The following THSD7B variants were observed in gnomAD, a reference collection of about 807,000 sequenced individuals.
THSD7B encodes thrombospondin type 1 domain containing 7B, also known as thrombospondin type-1 domain-containing protein 7B.
In THSD7B, 138 loss-of-function variants were observed where a neutral mutation model predicts 213.6. The ratio of observed to expected loss-of-function variants is 0.65; its 90% confidence interval spans 0.56 to 0.74. The LOEUF (loss-of-function observed/expected upper bound fraction) is 0.74, where lower values mean the gene tolerates loss of function less well. Among genes scored for constraint, THSD7B ranks in the 30% least tolerant of loss-of-function variants. The probability of loss-of-function intolerance (pLI) is 0.00; values close to 1 mark genes in which losing one functional copy is unlikely to be tolerated. For missense variants in THSD7B, 1,931 were observed against 1,991.5 expected, an observed-to-expected ratio of 0.97 and a Z score of 0.58; for synonymous variants, 742 against 687.0, an observed-to-expected ratio of 1.08 and a Z score of -1.25.
At chr2:136,779,512 G>A (rs1681691214) in intron 1 of THSD7B, among the ~76,000 whole-genome samples, 1 of 151,968 alleles carries the variant, frequency 6.6e-6, no homozygotes, top group Admixed American at 6.6e-5. Context: ...ATTATGCTGA[G>A]CACATTACTG....
At chr2:137,318,514 A>G (rs1035479799) in intron 12 of THSD7B, among the ~76,000 whole-genome samples, 1 of 152,064 alleles carries the variant, frequency 6.6e-6, no homozygotes, top group Non-Finnish European at 1.5e-5. Context: ...CAGAGGTAAT[A>G]CCCTCACTCC....
chr2:137,072,643 G>A (rs564796413), intron 3 of THSD7B, among the ~76,000 whole-genome samples: 1 of 152,240 alleles, frequency 6.6e-6, no homozygotes, highest in South Asian at 2.1e-4. Flanking sequence ...ACACTGTGTT[G>A]AATAGGAGTG....
At chr2:137,075,052 C>G (rs1189048921) in intron 3 of THSD7B, among the ~76,000 whole-genome samples, 1 of 152,158 alleles carries the variant, frequency 6.6e-6, no homozygotes, top group Admixed American at 6.5e-5. Context: ...GTGAATCTGA[C>G]AATTATGTGT....
In THSD7B at chr2:137,546,694, G is replaced by A. The variant is rs143623956; in HGVS notation, c.3139-16527G>A. Among the ~76,000 whole-genome samples the A allele has an allele frequency of 3.2e-3, 467 of 148,210 alleles. 3 individuals are homozygous for A. Among genetic ancestry groups the A allele is most frequent in the African/African-American group, 0.011 (441 of 40,294 alleles). ...GAGAAAGGCTGTTGTTTGTACATAC[G>A]CGTGTATTTATGTTTTAACCTATTA... On this transcript the variant is annotated intron_variant, in intron 15 of 27. Coordinates refer to ENST00000409968, the MANE Select transcript of THSD7B (RefSeq NM_001316349.2).
intron 15 of THSD7B, among the ~76,000 whole-genome samples, chr2:137,550,380 T>C (rs1573701426): frequency 2.0e-5 from 3 of 152,250 alleles, no homozygotes; most frequent in Admixed American, 2.0e-4. Flanking sequence ...GTATTCAATT[T>C]GAAGTCATAA....
rs759458322 is a variant in THSD7B at position 137,034,486 on chromosome 2, A to G, written c.140-21934A>G. Reference sequence around the variant, plus strand: ...GAACATGCAGGTTTTTTACATAGGTATACATGGGCCGAAGTGGTTTGCTGC... The same window carrying G: ...GAACATGCAGGTTTTTTACATAGGTGTACATGGGCCGAAGTGGTTTGCTGC... On this transcript the variant is annotated intron_variant, in intron 2 of 27. Transcript: ENST00000409968. Among the ~76,000 whole-genome samples, 11 of 152,156 alleles carry G rather than the reference A, an allele frequency of 7.2e-5. 1 individual carries two copies. Among genetic ancestry groups the G allele is most frequent in the African/African-American group, 2.4e-5 (1 of 41,436 alleles).
At chr2:137,346,519 G>A (rs1382341389) in intron 12 of THSD7B, among the ~76,000 whole-genome samples, 1 of 150,392 alleles carries the variant, frequency 6.6e-6, no homozygotes, top group Non-Finnish European at 1.5e-5. Flanking sequence ...TCCCCAACAT[G>A]CCCTTGATTG....
chr2:136,962,404 T>TGTTATC (rs1685235941), intron 2 of THSD7B, among the ~76,000 whole-genome samples: 1 of 4,578 alleles, frequency 2.2e-4, no homozygotes. Flanking sequence ...ATCTGTTATC[T>TGTTATC]TTTTTTTTTT....
intron 5 of THSD7B, among the ~76,000 whole-genome samples, chr2:137,135,050 A>T (rs1302416905): frequency 6.6e-6 from 1 of 152,138 alleles, no homozygotes; most frequent in African/African-American, 2.4e-5. Context: ...CAGCCTTGCG[A>T]GTCTGTTGTA....
chr2:136,979,238 T>A (rs1450540967), intron 2 of THSD7B, among the ~76,000 whole-genome samples: 3 of 152,058 alleles, frequency 2.0e-5, no homozygotes, highest in African/African-American at 7.3e-5. Flanking sequence ...TTTTTTTATT[T>A]CAACCTTGGA....
At chr2:137,306,325 T>C (rs549998116) in intron 12 of THSD7B, among the ~76,000 whole-genome samples, 1 of 152,264 alleles carries the variant, frequency 6.6e-6, no homozygotes, top group African/African-American at 2.4e-5. Context: ...CATGACTATA[T>C]ACAAGTAATG....
intron 2 of THSD7B, among the ~76,000 whole-genome samples, chr2:137,016,464 C>T (rs1225422494): frequency 6.6e-6 from 1 of 152,150 alleles, no homozygotes; most frequent in Non-Finnish European, 1.5e-5. Flanking sequence ...TTCTTACTTC[C>T]TTAGTAAGTT....
At chr2:137,033,221 C>A (rs760786535) in intron 2 of THSD7B, among the ~76,000 whole-genome samples, 5 of 152,154 alleles carry the variant, frequency 3.3e-5, no homozygotes, top group African/African-American at 7.2e-5. Context: ...TGTTCTAGGC[C>A]GAACTTGCTC....
intron 2 of THSD7B, among the ~76,000 whole-genome samples, chr2:136,940,354 G>A (rs886104166): frequency 6.6e-6 from 1 of 151,948 alleles, no homozygotes; most frequent in Non-Finnish European, 1.5e-5. Context: ...ATTCTTTTTT[G>A]TGGCTGAATA....
rs189682653 is a variant in THSD7B, at chr2:137,582,365, G to T, written c.3423+9809G>T. Among the ~76,000 whole-genome samples, 3 of 152,132 alleles carry T rather than the reference G, an allele frequency of 2.0e-5. No homozygotes were observed. The East Asian group carries it at 5.8e-4, about 29-fold the overall frequency. ...TGACTTTTTTATTATTATATTTTAA[G>T]TTCTAGGGTGCATGTGCACAACGTG... On this transcript the variant is annotated intron_variant, in intron 17 of 27. Coordinates refer to ENST00000409968, the MANE Select transcript of THSD7B (RefSeq NM_001316349.2).
At chr2:137,030,600 C>T (rs959613176) in intron 2 of THSD7B, among the ~76,000 whole-genome samples, 1 of 152,130 alleles carries the variant, frequency 6.6e-6, no homozygotes, top group African/African-American at 2.4e-5. Context: ...GGCTGTAGTT[C>T]TTACAAAATG....
At chr2:137,547,651 G>A (rs924191023) in intron 15 of THSD7B, among the ~76,000 whole-genome samples, 17 of 151,940 alleles carry the variant, frequency 1.1e-4, no homozygotes, top group Admixed American at 6.6e-4. Flanking sequence ...CATCAGGAAC[G>A]GAGTTTGCAG....
chr2:136,868,139 C>T (rs1245755877), intron 1 of THSD7B, among the ~76,000 whole-genome samples: 2 of 151,898 alleles, frequency 1.3e-5, no homozygotes, highest in Non-Finnish European at 2.9e-5. Flanking sequence ...CACACACACA[C>T]ACATCCTTGA....
At chr2:137,302,435 T>C (rs1683629410) in intron 12 of THSD7B, among the ~76,000 whole-genome samples, 1 of 152,070 alleles carries the variant, frequency 6.6e-6, no homozygotes, top group Non-Finnish European at 1.5e-5. Flanking sequence ...GTAAGGTGGG[T>C]TGGAGAATTG....
Sources: gnomAD v4.1 joint callset for allele counts (sites outside exome capture counted in the v4.1 genomes callset) on GRCh38, gnomAD v4.1.1 for gene constraint, MANE v1.5 for transcripts, NCBI Gene and HGNC (gene_info 2026-07-23, HGNC 2026-07-21) for gene names.